ANKRD33B: variants seen among roughly 807,000 people sequenced by gnomAD.
The protein encoded by ANKRD33B is ankyrin repeat domain-containing protein 33B.
A neutral mutation model predicts 21.5 loss-of-function variants in ANKRD33B; 6 were observed. That is an observed-to-expected ratio of 0.28 (90% confidence interval 0.15 to 0.55). ANKRD33B has a LOEUF of 0.55. Among genes scored for constraint, ANKRD33B ranks in the 20% least tolerant of loss-of-function variants. The pLI is 0.94. For synonymous variants in ANKRD33B, 347 were observed against 342.4 expected (o/e 1.01, Z -0.15); for missense variants, 698 against 747.2 (o/e 0.93, Z 0.77).
At chr5:10,639,028 G>A (rs1371678867) in intron 3 of ANKRD33B, among the ~76,000 whole-genome samples, 1 of 82,746 alleles carries the variant, frequency 1.2e-5, no homozygotes, top group African/African-American at 4.6e-5. Context: ...GGAGTTGCGC[G>A]GCGATGTTAG....
At position 10,655,885 on chromosome 5, in the gene ANKRD33B, A is replaced by G. The variant is rs3733760; in HGVS notation, c.*5772A>G. On this transcript the variant is annotated 3_prime_UTR_variant, in exon 4 of 4. Coordinates refer to ENST00000296657, the MANE Select transcript of ANKRD33B (RefSeq NM_001164440.2). ...CCAGCCGCTTTCAGCCGGCACCTGC[A>G]TGGGACTGCCTGGAGGGCCACGGTC... 50,757 of 152,204 alleles carry G rather than the reference A, an allele frequency of 0.33. 8,539 individuals are homozygous for G. The highest frequency in any genetic ancestry group is 0.41 in the African/African-American group (16,785 of 41,444). The allele number at this position is 152,204 out of a possible 1,614,324, so 9.4% of individuals were successfully genotyped here.
At position 10,570,065 on chromosome 5, in the gene ANKRD33B, C is replaced by T. The variant is rs145042177; in HGVS notation, c.366+5232C>T. 4.8e-3 allele frequency among the ~76,000 whole-genome samples: 728 copies of T among 151,984 alleles called. 1 individual carries two copies. The highest frequency in any genetic ancestry group is 0.017 in the African/African-American group (684 of 41,438). Reference sequence around the variant, plus strand: ...CTAATTTTTATGTTTTTAGTAGAGACGGGGTTGCGCCATGTTGGCCAGGCT... The same window carrying T: ...CTAATTTTTATGTTTTTAGTAGAGATGGGGTTGCGCCATGTTGGCCAGGCT... On this transcript the variant is annotated intron_variant, in intron 1 of 3. Coordinates refer to ENST00000296657, the MANE Select transcript of ANKRD33B (RefSeq NM_001164440.2).
intron 1 of ANKRD33B, among the ~76,000 whole-genome samples, chr5:10,566,134 C>G (rs2126540472): frequency 6.6e-6 from 1 of 152,268 alleles, no homozygotes; most frequent in Non-Finnish European, 1.5e-5. Flanking sequence ...CACAGCCAAA[C>G]CATATCACAC....
In ANKRD33B at chr5:10,622,799, TTTTATTTTA is replaced by T. The variant is rs1560977661; in HGVS notation, c.496+4341_496+4349del. Among the ~76,000 whole-genome samples, 57 of 34,024 alleles carry T rather than the reference TTTTATTTTA, an allele frequency of 1.7e-3. 3 individuals carry two copies. Among genetic ancestry groups the T allele is most frequent in the South Asian group, 7.5e-3 (7 of 930 alleles). The allele number at this position is 34,024 out of a possible 152,430, so 22.3% of individuals were successfully genotyped here. A position where few individuals can be genotyped will look rare whatever the true frequency, so the allele number is the denominator to read the frequency against. On this transcript the variant is annotated intron_variant, in intron 2 of 3. Transcript: ENST00000296657. Reference sequence around the variant, plus strand: ...AGGGTTGTTTTTTGTTTTTGCTTTATTTTATTTTATTTTTTTTTTTTTCTGGCTTGCTCA... The same window carrying T: ...AGGGTTGTTTTTTGTTTTTGCTTTATTTTTTTTTTTTTTCTGGCTTGCTCA...
At chr5:10,587,922 G>A (rs766422663) in intron 1 of ANKRD33B, among the ~76,000 whole-genome samples, 7 of 152,062 alleles carry the variant, frequency 4.6e-5, no homozygotes, top group Non-Finnish European at 7.4e-5. Flanking sequence ...GTCTAAATAC[G>A]TCTCTTATTG....
intron 2 of ANKRD33B, among the ~76,000 whole-genome samples, chr5:10,636,612 A>G (rs1005261400): frequency 1.3e-5 from 2 of 152,162 alleles, no homozygotes; most frequent in South Asian, 2.1e-4. Context: ...GAGAGACTCC[A>G]TCTCTTAAAT....
chr5:10,642,143 C>T (rs1265621351), intron 3 of ANKRD33B, among the ~76,000 whole-genome samples: 1 of 152,218 alleles, frequency 6.6e-6, no homozygotes, highest in Non-Finnish European at 1.5e-5. Flanking sequence ...CAGTTGCCCT[C>T]TAATCGCTCC....
rs576783762 is a variant in ANKRD33B, at chr5:10,651,962, C to T, written c.*1849C>T. 1 of 152,488 alleles carries T rather than the reference C, an allele frequency of 6.6e-6. No individual in the cohort carries two copies. The highest frequency in any genetic ancestry group is 1.9e-4 in the East Asian group (1 of 5,322). The allele number at this position is 152,488 out of a possible 1,614,324, so 9.4% of individuals were successfully genotyped here. ...TGATGAATGCCACAGGAGACTGGAC[C>T]CTCTTTGAGAACTGCAGATATTAGT... On this transcript the variant is annotated 3_prime_UTR_variant, in exon 4 of 4. Coordinates refer to ENST00000296657, the MANE Select transcript of ANKRD33B (RefSeq NM_001164440.2).
intron 1 of ANKRD33B, among the ~76,000 whole-genome samples, chr5:10,598,237 C>T (rs1280459007): frequency 1.3e-5 from 2 of 152,134 alleles, no homozygotes; most frequent in African/African-American, 4.8e-5. Flanking sequence ...CTCTCAATGC[C>T]TTGTTGCGTT....
intron 1 of ANKRD33B, among the ~76,000 whole-genome samples, chr5:10,601,398 C>T (rs1442685583): frequency 6.6e-6 from 1 of 152,208 alleles, no homozygotes; most frequent in Non-Finnish European, 1.5e-5. Flanking sequence ...GGACACGGTC[C>T]CTCCACCATC....
rs1221956931 is a variant in ANKRD33B at position 10,656,221 on chromosome 5, GA to G, written c.*6111del. ...AAAAACTCCTCTGGAGGTTGTTTTT[GA>G]AAGAGACAGGAAAAAGAAACACACA... On this transcript the variant is annotated 3_prime_UTR_variant, in exon 4 of 4. Transcript: ENST00000296657. 3 of 152,318 alleles carry G rather than the reference GA, an allele frequency of 2.0e-5. No homozygotes were observed. The highest frequency in any genetic ancestry group is 4.8e-5 in the African/African-American group (2 of 41,440). 9.4% of individuals were successfully genotyped at this position (152,318 alleles called of 1,614,324 possible).
intron 2 of ANKRD33B, among the ~76,000 whole-genome samples, chr5:10,633,706 T>C (rs1392227154): frequency 6.6e-6 from 1 of 152,210 alleles, no homozygotes; most frequent in East Asian, 1.9e-4. Context: ...TTCTCAGACT[T>C]CTCTTGTTTT....
chr5:10,638,047 C>T lies in ANKRD33B; in HGVS notation c.516C>T (p.Asn172=), dbSNP rs542840486. ...TTACAGGGCACGCTATCATCACTAA[C>T]TACTTGTTGAACTATTTCCCTGGTC... ...AAQAGHAIIT[N]YLLNYFPGLD... The change falls in exon 3 of 4, where the codon AAC becomes AAT. Residue 172 remains asparagine (N), a synonymous_variant. Transcript: ENST00000296657. The T allele has an allele frequency of 6.5e-7, 1 of 1,537,708 alleles. No homozygotes were observed. Among genetic ancestry groups the T allele is most frequent in the South Asian group, 1.2e-5 (1 of 84,058 alleles).
At chr5:10,587,005 A>AT (rs141945583) in intron 1 of ANKRD33B, among the ~76,000 whole-genome samples, 1 of 150,884 alleles carries the variant, frequency 6.6e-6, no homozygotes, top group Non-Finnish European at 1.5e-5. Flanking sequence ...GATTTTATTT[A>AT]TTATTTATTT....
At chr5:10,565,077 C>G (rs992751308) in intron 1 of ANKRD33B, among the ~76,000 whole-genome samples, 2 of 152,236 alleles carry the variant, frequency 1.3e-5, no homozygotes, top group African/African-American at 4.8e-5. Flanking sequence ...AAACGCCAGT[C>G]CGGCGTCCTC....
chr5:10,580,296 A>G (rs2126551921), intron 1 of ANKRD33B, among the ~76,000 whole-genome samples: 1 of 152,360 alleles, frequency 6.6e-6, no homozygotes, highest in South Asian at 2.1e-4. Flanking sequence ...GCGTTGGGCC[A>G]CACTGTCTGC....
At chr5:10,581,922 C>T (rs1735452673) in intron 1 of ANKRD33B, among the ~76,000 whole-genome samples, 1 of 152,180 alleles carries the variant, frequency 6.6e-6, no homozygotes, top group Non-Finnish European at 1.5e-5. Context: ...GTCTGTATCT[C>T]CTCTTGGTTC....
Position 10,564,379 on chromosome 5 carries a change from G to T in ANKRD33B, c.-89G>T, listed in dbSNP as rs1057108662. 9.9e-6 allele frequency: 9 copies of T among 907,560 alleles called. No homozygotes were observed. Among genetic ancestry groups the T allele is most frequent in the Non-Finnish European group, 1.1e-5 (8 of 753,836 alleles). The allele number at this position is 907,560 out of a possible 1,614,324, so 56.2% of individuals were successfully genotyped here. On this transcript the variant is annotated 5_prime_UTR_variant, in exon 1 of 4. Coordinates refer to ENST00000296657, the MANE Select transcript of ANKRD33B (RefSeq NM_001164440.2). ...GGGCCACGGCTTCTCTGGGGACGCAGAAGCGAGAAGCGGGGACCTCGGCGC... is the reference window on the plus strand; with the variant it reads ...GGGCCACGGCTTCTCTGGGGACGCATAAGCGAGAAGCGGGGACCTCGGCGC...
chr5:10,636,494 G>T (rs2089059347), intron 2 of ANKRD33B, among the ~76,000 whole-genome samples: 1 of 152,184 alleles, frequency 6.6e-6, no homozygotes, highest in Admixed American at 6.5e-5. Flanking sequence ...ATGCTCGCCT[G>T]TGAGCCCAGC....
Sources: allele counts gnomAD v4.1 joint callset (sites outside exome capture counted in the v4.1 genomes callset), GRCh38; gene constraint gnomAD v4.1.1; transcripts MANE v1.5; gene names NCBI Gene and HGNC (gene_info 2026-07-23, HGNC 2026-07-21).